The following NPLOC4 variants were observed in gnomAD, a reference collection of about 807,000 sequenced individuals.
NPLOC4 encodes the protein NPL4 homolog, ubiquitin recognition factor.
Under a neutral mutation model 80.6 loss-of-function variants are expected in NPLOC4, and 18 were observed. The ratio of observed to expected loss-of-function variants is 0.22; its 90% confidence interval spans 0.15 to 0.33. NPLOC4 has a LOEUF of 0.33. Ranked by LOEUF, NPLOC4 falls within the 10% of genes least tolerant of loss-of-function variation. The pLI is 1.00. For missense variants in NPLOC4, 540 were observed against 786.1 expected (o/e 0.69, Z 3.74); for synonymous variants, 313 against 301.5 (o/e 1.04, Z -0.39).
intron 9 of NPLOC4, among the ~76,000 whole-genome samples, chr17:81,598,777 G>A (rs865932549): frequency 2.6e-5 from 4 of 152,196 alleles, no homozygotes; most frequent in Non-Finnish European, 2.9e-5. Context: ...AAGGATCTGC[G>A]GCCCATGACC....
chr17:81,634,082 G>A (rs1228631927), intron 1 of NPLOC4, among the ~76,000 whole-genome samples: 1 of 151,522 alleles, frequency 6.6e-6, no homozygotes, highest in African/African-American at 2.4e-5. Flanking sequence ...GTGTTGCCCA[G>A]GCTGGTCTCA....
chr17:81,614,011 T>C (rs1023759952), intron 3 of NPLOC4, among the ~76,000 whole-genome samples: 1 of 152,072 alleles, frequency 6.6e-6, no homozygotes, highest in Non-Finnish European at 1.5e-5. Flanking sequence ...GCTCGGTGGC[T>C]CATGCCTGTA....
At position 81,637,025 on chromosome 17, in the gene NPLOC4, C is replaced by CCGGCCT. The variant is rs1015894927; in HGVS notation, c.-101_-96dup. 7 of 790,242 alleles carry CCGGCCT rather than the reference C, an allele frequency of 8.9e-6. No homozygotes were observed. The African/African-American group carries it at 1.3e-4, about 14-fold the overall frequency. 49.0% of individuals were successfully genotyped at this position (790,242 alleles called of 1,614,324 possible). A position where few individuals can be genotyped will look rare whatever the true frequency, so the allele number is the denominator to read the frequency against. On this transcript the variant is annotated 5_prime_UTR_variant, in exon 1 of 17. Transcript: ENST00000331134. ...CCCGGCCGCGGCCTCAGCCCCGGCCCCGGCCTCCCTACGCCGCCGCCACCG... is the reference window on the plus strand; with the variant it reads ...CCCGGCCGCGGCCTCAGCCCCGGCCCCGGCCTCGGCCTCCCTACGCCGCCGCCACCG...
intron 12 of NPLOC4, chr17:81,573,571 C>G (rs1469555831): frequency 6.6e-6 from 1 of 152,112 alleles, no homozygotes; most frequent in Non-Finnish European, 1.5e-5. Flanking sequence ...ACTCTCTCCC[C>G]TTTCCTCACT....
intron 3 of NPLOC4, 109 bp downstream of exon 3, chr17:81,622,057 C>T (rs1410232856): frequency 2.6e-6 from 2 of 763,384 alleles, no homozygotes; most frequent in African/African-American, 1.7e-5. Context: ...GTTGATAAGA[C>T]CATAATGAGT....
In NPLOC4 at chr17:81,572,379, G is replaced by C. The variant is rs1172511729; in HGVS notation, c.1282-291C>G. Among the ~76,000 whole-genome samples, 1 of 151,870 alleles carries C rather than the reference G, an allele frequency of 6.6e-6. No homozygotes were observed. The highest frequency in any genetic ancestry group is 1.5e-5 in the Non-Finnish European group (1 of 67,992). ...AATTTTTTTTGTATTTTTTAGTAGA[G>C]ACAGGGTTTCACTGTGTTTGCCAGG... is the stretch of plus-strand genomic sequence containing the variant. On this transcript the variant is annotated intron_variant, in intron 12 of 16. Transcript: ENST00000331134. This position sits in a 1 kb window ranked among gnomAD's most constrained non-coding sequence, Gnocchi z 4.5.
At chr17:81,633,839 G>A (rs2035994520) in intron 1 of NPLOC4, among the ~76,000 whole-genome samples, 1 of 151,640 alleles carries the variant, frequency 6.6e-6, no homozygotes, top group Admixed American at 6.6e-5. Flanking sequence ...CCAAGTAGCT[G>A]GGATTATAGG....
Position 81,569,116 on chromosome 17 carries a change from T to C in NPLOC4, c.1354-5A>G, listed in dbSNP as rs747381149. On this transcript the variant is annotated splice_polypyrimidine_tract_variant and splice_region_variant and intron_variant, in intron 13 of 16. Transcript: ENST00000331134. ...CTTGGGGAAAGTTGTTGTGATCTAA[T>C]GAAGAAAAACACAAACCCATGATAA... is the stretch of plus-strand genomic sequence containing the variant. 1 of 1,597,406 alleles carries C rather than the reference T, an allele frequency of 6.3e-7. No homozygotes were observed. The highest frequency in any genetic ancestry group is 2.2e-5 in the East Asian group (1 of 44,796).
At chr17:81,627,547 C>A (rs569912908) in intron 2 of NPLOC4, among the ~76,000 whole-genome samples, 1 of 152,162 alleles carries the variant, frequency 6.6e-6, no homozygotes, top group East Asian at 1.9e-4. Context: ...CGAGACCAGC[C>A]TGACCAACAT....
intron 7 of NPLOC4, among the ~76,000 whole-genome samples, chr17:81,606,378 C>A (rs922969121): frequency 5.3e-5 from 8 of 152,116 alleles, no homozygotes; most frequent in Admixed American, 2.0e-4. Flanking sequence ...CCAAGGGGTG[C>A]CCCTTTACCA....
intron 3 of NPLOC4, among the ~76,000 whole-genome samples, chr17:81,620,422 G>A (rs897467958): frequency 9.2e-5 from 14 of 152,282 alleles, no homozygotes; most frequent in African/African-American, 2.9e-4. Flanking sequence ...CTTGAACCCG[G>A]GAGGCAGAGG....
At chr17:81,636,417 G>C (rs1253300007) in intron 1 of NPLOC4, 1 of 153,076 alleles carries the variant, frequency 6.5e-6, no homozygotes, top group Admixed American at 6.5e-5. Context: ...GGTGGGGAGG[G>C]AGCTCTGTAA....
chr17:81,570,335 A>G (rs577029768), intron 13 of NPLOC4, among the ~76,000 whole-genome samples: 63 of 152,312 alleles, frequency 4.1e-4, no homozygotes, highest in African/African-American at 1.5e-3. Context: ...GCTGGTACAC[A>G]TAGTGTTGGT....
intron 4 of NPLOC4, among the ~76,000 whole-genome samples, chr17:81,612,189 C>A (rs2035359590): frequency 6.6e-6 from 1 of 152,140 alleles, no homozygotes; most frequent in South Asian, 2.1e-4. Flanking sequence ...GAGAGGTATG[C>A]TGGTTTACGA....
intron 2 of NPLOC4, among the ~76,000 whole-genome samples, chr17:81,627,140 C>T (rs990875627): frequency 2.0e-5 from 3 of 151,944 alleles, no homozygotes; most frequent in East Asian, 1.9e-4. Context: ...CTTGTAATCC[C>T]GGCACATTGG....
intron 10 of NPLOC4, 137 bp from the exon 11 acceptor site, chr17:81,596,379 G>C: frequency 1.0e-6 from 1 of 959,426 alleles, no homozygotes; most frequent in South Asian, 1.8e-5. Context: ...AGGTGGAGGC[G>C]GGAGGTCCAC....
chr17:81,559,641 C>A (rs1256478519), intron 16 of NPLOC4, among the ~76,000 whole-genome samples: 3 of 151,802 alleles, frequency 2.0e-5, no homozygotes, highest in African/African-American at 7.3e-5. Context: ...GGAGCCTGTG[C>A]TTGCTGGTTC....
At chr17:81,591,777 C>T (rs965800672) in intron 11 of NPLOC4, among the ~76,000 whole-genome samples, 8 of 152,210 alleles carry the variant, frequency 5.3e-5, no homozygotes, top group African/African-American at 1.9e-4. Flanking sequence ...CAGGAAATCC[C>T]TACGTGGGAA....
chr17:81,632,107 C>T (rs2035947058), intron 1 of NPLOC4, among the ~76,000 whole-genome samples: 1 of 151,980 alleles, frequency 6.6e-6, no homozygotes, highest in Admixed American at 6.6e-5. Flanking sequence ...TCCTGAGCAG[C>T]TGGGATTACA....
Sources: allele counts gnomAD v4.1 joint callset (sites outside exome capture counted in the v4.1 genomes callset), GRCh38; gene constraint gnomAD v4.1.1; non-coding constraint Gnocchi (gnomAD v3.1); transcripts MANE v1.5; gene names NCBI Gene and HGNC (gene_info 2026-07-23, HGNC 2026-07-21).